Variants in PDE1A observed in about 807,000 individuals in gnomAD.
PDE1A encodes phosphodiesterase 1A.
A neutral mutation model predicts 61.7 loss-of-function variants in PDE1A; 35 were observed. That is an observed-to-expected ratio of 0.57 (90% CI 0.43 to 0.75). The LOEUF (loss-of-function observed/expected upper bound fraction) is 0.75, where lower values mean the gene tolerates loss of function less well. PDE1A is among the 30% of genes least tolerant of loss of function. The probability of loss-of-function intolerance (pLI) is 0.00; values close to 1 mark genes in which losing one functional copy is unlikely to be tolerated. For synonymous variants in PDE1A, 232 were observed against 213.2 expected, an observed-to-expected ratio of 1.09 and a Z score of -0.77; for missense variants, 597 against 630.6, an observed-to-expected ratio of 0.95 and a Z score of 0.57.
chr2:182,300,655 G>T (rs182568336), intron 1 of PDE1A, among the ~76,000 whole-genome samples: 2 of 152,286 alleles, frequency 1.3e-5, no homozygotes, highest in East Asian at 3.9e-4. Context: ...GTCTAGAGAA[G>T]AAATAGTGGA....
chr2:182,421,921 A>G (rs938101839), intron 1 of PDE1A, among the ~76,000 whole-genome samples: 1 of 152,192 alleles, frequency 6.6e-6, no homozygotes, highest in Non-Finnish European at 1.5e-5. Context: ...TTCCTATTTC[A>G]TCCCACTGCT....
At chr2:182,200,570 T>C (rs565943734) in intron 10 of PDE1A, among the ~76,000 whole-genome samples, 111 of 152,334 alleles carry the variant, frequency 7.3e-4, no homozygotes, top group African/African-American at 2.6e-3. Context: ...CTCCCAGACC[T>C]TTCCTTATGG....
At chr2:182,488,611 C>G (rs2368295) in intron 2 of PDE1A, among the ~76,000 whole-genome samples, 100,905 of 152,032 alleles carry the variant, frequency 0.66, 36,086 homozygotes, top group East Asian at 0.96. Context: ...TCTACTGAAG[C>G]CTTCTGCAAA....
chr2:182,351,713 C>G (rs771363105), intron 1 of PDE1A, among the ~76,000 whole-genome samples: 2 of 152,132 alleles, frequency 1.3e-5, no homozygotes, highest in Non-Finnish European at 2.9e-5. Flanking sequence ...GTACTCACTT[C>G]TGAAAGTAAA....
At chr2:182,378,171 T>A (rs1700524527) in intron 1 of PDE1A, among the ~76,000 whole-genome samples, 1 of 152,198 alleles carries the variant, frequency 6.6e-6, no homozygotes, top group Non-Finnish European at 1.5e-5. Context: ...AAGAATCAAA[T>A]ACTGATAACA....
chr2:182,246,280 T>C (rs972077407), intron 2 of PDE1A, among the ~76,000 whole-genome samples: 4 of 152,226 alleles, frequency 2.6e-5, no homozygotes, highest in Non-Finnish European at 5.9e-5. Context: ...CTCAGATATT[T>C]GTGTGAATCA....
At chr2:182,570,291 C>T in the PDE1A span, among the ~76,000 whole-genome samples, 1 of 152,108 alleles carries the variant, frequency 6.6e-6, no homozygotes, top group African/African-American at 2.4e-5. Context: ...TAAGAACCTA[C>T]TTTAAAACAT....
At chr2:182,484,156 A>G (rs531980530) in intron 2 of PDE1A, among the ~76,000 whole-genome samples, 1 of 152,092 alleles carries the variant, frequency 6.6e-6, no homozygotes, top group East Asian at 1.9e-4. Flanking sequence ...TTCCCTAGTG[A>G]ACTCTATAAA....
chr2:182,333,083 G>C (rs902216578), intron 1 of PDE1A, among the ~76,000 whole-genome samples: 1 of 152,092 alleles, frequency 6.6e-6, no homozygotes, highest in Non-Finnish European at 1.5e-5. Context: ...CATAAAGCAA[G>C]TTCTTAGAGA....
At chr2:182,696,725 G>T in the PDE1A span, among the ~76,000 whole-genome samples, 1 of 152,034 alleles carries the variant, frequency 6.6e-6, no homozygotes, top group African/African-American at 2.4e-5. Flanking sequence ...GGGACAGGGG[G>T]AATATGTGAA....
chr2:182,427,013 C>T lies in PDE1A; in HGVS notation c.-383G>A. On this transcript the variant is annotated 5_prime_UTR_variant, in exon 1 of 14. The change creates a premature stop within an existing upstream ORF in the 5' untranslated region. Coordinates refer to ENST00000351439, the Ensembl canonical transcript of PDE1A. ...ATTGCAGCCATGAGAGCTCTCCTTC[C>T]ACATGCTGGTCAAGCTCCGAAAGGC... 1 of 998,694 alleles carries T rather than the reference C, an allele frequency of 1.0e-6. No homozygotes were observed. Among genetic ancestry groups the T allele is most frequent in the Non-Finnish European group, 1.2e-6 (1 of 838,904 alleles). 61.9% of individuals were successfully genotyped at this position (998,694 alleles called of 1,614,324 possible). A position where few individuals can be genotyped will look rare whatever the true frequency, so the allele number is the denominator to read the frequency against.
the PDE1A span, among the ~76,000 whole-genome samples, chr2:182,592,691 C>T: frequency 6.6e-6 from 1 of 152,062 alleles, no homozygotes; most frequent in Non-Finnish European, 1.5e-5. Context: ...ATAATCACAG[C>T]CACATGGAGG....
At chr2:182,423,561 A>T (rs1703413622) in intron 1 of PDE1A, among the ~76,000 whole-genome samples, 1 of 152,170 alleles carries the variant, frequency 6.6e-6, no homozygotes, top group Non-Finnish European at 1.5e-5. Flanking sequence ...AAATCTTGAA[A>T]ATTAAATTGG....
At chr2:182,605,151 C>T in the PDE1A span, among the ~76,000 whole-genome samples, 5 of 152,082 alleles carry the variant, frequency 3.3e-5, no homozygotes, top group Non-Finnish European at 5.9e-5. Context: ...CCCGTCTCTG[C>T]CCTGGGCCCT....
chr2:182,387,658 G>A (rs556339867), intron 1 of PDE1A, among the ~76,000 whole-genome samples: 1 of 152,148 alleles, frequency 6.6e-6, no homozygotes, highest in Admixed American at 6.5e-5. Flanking sequence ...TTGGGAGGCT[G>A]AGGCATGAGG....
the PDE1A span, among the ~76,000 whole-genome samples, chr2:182,700,788 G>C: frequency 1.3e-5 from 2 of 149,362 alleles, no homozygotes; most frequent in Non-Finnish European, 3.0e-5. Flanking sequence ...GTATTGGCAG[G>C]CACCTGTAAT....
the PDE1A span, among the ~76,000 whole-genome samples, chr2:182,652,629 C>T: frequency 2.0e-4 from 31 of 152,114 alleles, no homozygotes; most frequent in African/African-American, 6.8e-4. Flanking sequence ...CCCCTGGTAC[C>T]ATTGAGACCC....
intron 1 of PDE1A, among the ~76,000 whole-genome samples, chr2:182,419,643 G>A (rs1039561031): frequency 2.0e-5 from 3 of 152,126 alleles, no homozygotes; most frequent in Non-Finnish European, 2.9e-5. Context: ...GAGAGAAGAC[G>A]ACTGTGTGGA....
At chr2:182,518,120 G>C (rs746049585) in intron 2 of PDE1A, among the ~76,000 whole-genome samples, 8 of 152,210 alleles carry the variant, frequency 5.3e-5, no homozygotes, top group Non-Finnish European at 7.3e-5. Flanking sequence ...TGTTTAAGCA[G>C]AGAGTAAAAG....
Sources: allele counts gnomAD v4.1 joint callset (sites outside exome capture counted in the v4.1 genomes callset), GRCh38; gene constraint gnomAD v4.1.1; transcripts MANE v1.5; gene names NCBI Gene and HGNC (gene_info 2026-07-23, HGNC 2026-07-21).